The following MDGA2 variants were observed in gnomAD, a reference collection of about 807,000 sequenced individuals.
MDGA2 encodes the protein MAM domain containing glycosylphosphatidylinositol anchor 2.
In MDGA2, 40 loss-of-function variants were observed where a neutral mutation model predicts 117.8. That is an observed-to-expected ratio of 0.34 (90% CI 0.26 to 0.44). The LOEUF is 0.44. Among genes scored for constraint, MDGA2 ranks in the 20% least tolerant of loss-of-function variants. The pLI is 1.00. For synonymous variants in MDGA2, 452 were observed against 439.0 expected (o/e 1.03, Z -0.37); for missense variants, 1,123 against 1,250.6 (o/e 0.90, Z 1.54).
intron 10 of MDGA2, among the ~76,000 whole-genome samples, chr14:46,904,357 C>CAAA (rs5808366): frequency 1.4e-5 from 1 of 73,846 alleles, no homozygotes; most frequent in Non-Finnish European, 3.2e-5. Context: ...GACTCTGTCT[C>CAAA]AAAAAAAAAA....
At chr14:47,279,527 G>A (rs992764860) in intron 2 of MDGA2, among the ~76,000 whole-genome samples, 2 of 151,866 alleles carry the variant, frequency 1.3e-5, no homozygotes, top group Admixed American at 1.3e-4. Flanking sequence ...TGCCTTTAAT[G>A]TAATTCAGGA....
chr14:47,614,666 G>T (rs569880805), intron 1 of MDGA2, among the ~76,000 whole-genome samples: 1 of 152,182 alleles, frequency 6.6e-6, no homozygotes, highest in Non-Finnish European at 1.5e-5. Flanking sequence ...GTGGGACAAA[G>T]ATCTAAATCG....
intron 1 of MDGA2, among the ~76,000 whole-genome samples, chr14:47,659,682 T>C (rs1226897834): frequency 6.6e-6 from 1 of 152,130 alleles, no homozygotes; most frequent in Admixed American, 6.6e-5. Flanking sequence ...TCACTCAAAA[T>C]AGAGCATGCA....
At chr14:47,185,480 C>A (rs890769930) in intron 3 of MDGA2, among the ~76,000 whole-genome samples, 2 of 151,254 alleles carry the variant, frequency 1.3e-5, no homozygotes, top group South Asian at 2.1e-4. Context: ...TATGTGATGG[C>A]AATATATATA....
intron 1 of MDGA2, among the ~76,000 whole-genome samples, chr14:47,446,082 C>T (rs1188981350): frequency 2.6e-5 from 4 of 152,074 alleles, no homozygotes; most frequent in Non-Finnish European, 4.4e-5. Flanking sequence ...CACAAACCCA[C>T]GCCTATGTAC....
rs1205374365 is a variant in MDGA2, at chr14:47,218,125, A to G, written c.491T>C (p.Leu164Ser). ...GTGTCGCTGAATATTTGTAATCCTC[A>G]AAGTCTCATTGAAGACACTTGAGTC... is the stretch of plus-strand genomic sequence containing the variant. ...FQDSSVFNET[L>S]RITNIQRHQG... is the part of the protein sequence containing the mutation. The change falls in exon 3 of 17, where the codon TTG (leucine) becomes TCG (serine). Residue 164 changes from leucine (L) to serine (S), a missense_variant. Leu to Ser is a moderately radical substitution (Grantham distance 145). This residue lies in a region of MDGA2 where 233 missense variants were observed against 200.3 expected (regional missense o/e 1.16). Coordinates refer to ENST00000399232, the MANE Select transcript of MDGA2 (RefSeq NM_001113498.3). The G allele has an allele frequency of 6.4e-7, 1 of 1,551,216 alleles. No homozygotes were observed. Among genetic ancestry groups the G allele is most frequent in the South Asian group, 1.2e-5 (1 of 84,050 alleles).
intron 1 of MDGA2, among the ~76,000 whole-genome samples, chr14:47,400,538 T>C (rs1892112112): frequency 6.6e-6 from 1 of 151,388 alleles, no homozygotes; most frequent in African/African-American, 2.4e-5. Context: ...AACAAAACGC[T>C]GGAAGAAAAA....
At chr14:47,152,813 G>C (rs1347521164) in intron 3 of MDGA2, among the ~76,000 whole-genome samples, 1 of 152,072 alleles carries the variant, frequency 6.6e-6, no homozygotes, top group Non-Finnish European at 1.5e-5. Flanking sequence ...GATGATGCCT[G>C]AAATAAATCC....
intron 3 of MDGA2, among the ~76,000 whole-genome samples, chr14:47,173,673 C>T (rs1162332187): frequency 9.9e-5 from 15 of 152,192 alleles, no homozygotes; most frequent in East Asian, 7.7e-4. Flanking sequence ...AAGGCACAAC[C>T]GGTACCAGCC....
chr14:47,048,768 G>C (rs1889352414), intron 7 of MDGA2, among the ~76,000 whole-genome samples: 1 of 152,042 alleles, frequency 6.6e-6, no homozygotes, highest in African/African-American at 2.4e-5. Flanking sequence ...TTAATTAACA[G>C]ATCCGTTAAT....
chr14:47,289,121 T>G (rs944069563), intron 2 of MDGA2, among the ~76,000 whole-genome samples: 1 of 152,004 alleles, frequency 6.6e-6, no homozygotes, highest in Admixed American at 6.6e-5. Flanking sequence ...TTTCATTAGA[T>G]TAGAGATTTG....
rs369968189 is a variant in MDGA2 at position 46,904,198 on chromosome 14, T to C, written c.2238+15814A>G. Among the ~76,000 whole-genome samples, 32 of 152,020 alleles carry C rather than the reference T, an allele frequency of 2.1e-4. 1 individual carries two copies. The highest frequency in any genetic ancestry group is 1.4e-3 in the Admixed American group (22 of 15,254). ...GGCCAACATGGTGAAAACCCATCTC[T>C]ACTAAAAATATTAAAAATTAAAAAT... On this transcript the variant is annotated intron_variant, in intron 10 of 16. Transcript: ENST00000399232.
chr14:47,507,652 A>G (rs899567273), intron 1 of MDGA2, among the ~76,000 whole-genome samples: 5 of 152,202 alleles, frequency 3.3e-5, no homozygotes, highest in East Asian at 3.8e-4. Context: ...ACTTGTCCCT[A>G]GTGATATAGG....
At chr14:47,545,247 C>A (rs1445021043) in intron 1 of MDGA2, among the ~76,000 whole-genome samples, 2 of 152,130 alleles carry the variant, frequency 1.3e-5, no homozygotes, top group Non-Finnish European at 2.9e-5. Flanking sequence ...AAGCTGATGT[C>A]TAAATCCTAA....
At chr14:47,548,347 C>T (rs184265920) in intron 1 of MDGA2, among the ~76,000 whole-genome samples, 58 of 151,796 alleles carry the variant, frequency 3.8e-4, no homozygotes, top group African/African-American at 1.1e-3. Flanking sequence ...CTGTTTCTTG[C>T]GACTTTTTTT....
chr14:47,641,826 A>C (rs2138247541), intron 1 of MDGA2, among the ~76,000 whole-genome samples: 1 of 152,254 alleles, frequency 6.6e-6, no homozygotes, highest in South Asian at 2.1e-4. Flanking sequence ...CCATTTCAGA[A>C]GTGTATTAAT....
rs530190081 is a variant in MDGA2 at position 46,936,044 on chromosome 14, T to C, written c.2090-15884A>G. Among the ~76,000 whole-genome samples, 6 of 152,214 alleles carry C rather than the reference T, an allele frequency of 3.9e-5. No homozygotes were observed. In the East Asian group the frequency reaches 9.6e-4, roughly 24 times the overall value. The stretch of plus-strand genomic sequence containing the variant: ...AATAATTGGGATTGTAGATCCTATT[T>C]ATATAAATACAGTCATACATATATA... On this transcript the variant is annotated intron_variant, in intron 9 of 16. Transcript: ENST00000399232.
chr14:47,391,900 T>A (rs1891903512), intron 1 of MDGA2, among the ~76,000 whole-genome samples: 2 of 152,146 alleles, frequency 1.3e-5, no homozygotes, highest in Non-Finnish European at 2.9e-5. Flanking sequence ...AAAGTTATTT[T>A]AAACTGACAC....
intron 10 of MDGA2, among the ~76,000 whole-genome samples, chr14:46,897,785 C>T (rs976798728): frequency 3.3e-5 from 5 of 151,856 alleles, no homozygotes; most frequent in African/African-American, 1.2e-4. Context: ...ATTTAATTAT[C>T]ACTCAAAATG....
Sources: gnomAD v4.1 joint callset for allele counts (sites outside exome capture counted in the v4.1 genomes callset) on GRCh38, gnomAD v4.1.1 for gene constraint, gnomAD v4.1.1 regional missense constraint, MANE v1.5 for transcripts, NCBI Gene and HGNC (gene_info 2026-07-23, HGNC 2026-07-21) for gene names.